UPRT: variants seen among roughly 807,000 people sequenced by gnomAD.
The protein encoded by UPRT is RP11-311P8.3.
A neutral mutation model predicts 22.6 loss-of-function variants in UPRT; 5 were observed. The ratio of observed to expected loss-of-function variants is 0.22; its 90% CI spans 0.12 to 0.47. The LOEUF (loss-of-function observed/expected upper bound fraction) is 0.47, where lower values mean the gene tolerates loss of function less well. Among genes scored for constraint, UPRT ranks in the 20% least tolerant of loss-of-function variants. The pLI is 0.99. For missense variants in UPRT, 181 were observed against 239.9 expected (o/e 0.75, Z 1.62); for synonymous variants, 77 against 87.7 (o/e 0.88, Z 0.68).
chrX:75,167,634 T>C (rs1158325233), intron 3 of UPRT, among the ~76,000 whole-genome samples: 1 of 112,377 alleles, frequency 8.9e-6, no homozygotes, highest in African/African-American at 3.2e-5. Context: ...TTCCAAACAT[T>C]ACTATGCAAT....
At chrX:75,169,077 A>G (rs770993863) in intron 4 of UPRT, among the ~76,000 whole-genome samples, 2 of 111,481 alleles carry the variant, frequency 1.8e-5, no homozygotes, top group African/African-American at 3.3e-5. Flanking sequence ...ATAGTCTCCA[A>G]TCCCATCCAG....
Position 75,206,536 on chromosome X carries a change from G to T in UPRT, c.-447+38657G>T, listed in dbSNP as rs763181498. Among the ~76,000 whole-genome samples the T allele has an allele frequency of 9.9e-5, 11 of 111,413 alleles. No individual in the cohort carries two copies. In the South Asian group the frequency reaches 3.4e-3, roughly 35 times the overall value. On this transcript the variant is annotated intron_variant, in intron 4 of 13. Coordinates refer to the UPRT transcript ENST00000652605. ...TTGTGCACATATGAAAGTACAGAAG[G>T]TTTCTGGGACTTGTGAAAAAATTTT...
chrX:75,189,968 C>G (rs1188150350), intron 4 of UPRT, among the ~76,000 whole-genome samples: 1 of 111,950 alleles, frequency 8.9e-6, no homozygotes, highest in African/African-American at 3.2e-5. Context: ...AAGCATTTAG[C>G]CCATTTACAT....
At chrX:75,168,679 G>A (rs1294253861) in intron 4 of UPRT, among the ~76,000 whole-genome samples, 4 of 110,766 alleles carry the variant, frequency 3.6e-5, no homozygotes, top group African/African-American at 9.9e-5. Context: ...ACAGGCATGC[G>A]CCACCATGCC....
chrX:75,227,242 CTATT>C (rs1318227969), intron 4 of UPRT, among the ~76,000 whole-genome samples: 3 of 111,593 alleles, frequency 2.7e-5, no homozygotes, highest in African/African-American at 9.8e-5. Context: ...ATTTTATCAA[CTATT>C]TAGTTACATG....
intron 4 of UPRT, among the ~76,000 whole-genome samples, chrX:75,197,419 C>A (rs990359925): frequency 9.0e-6 from 1 of 111,360 alleles, no homozygotes; most frequent in Non-Finnish European, 1.9e-5. Flanking sequence ...GAATCATATT[C>A]GTGAGGATTT....
chrX:75,295,436 G>GAA, intron 2 of UPRT, among the ~76,000 whole-genome samples: 1 of 111,777 alleles, frequency 8.9e-6, no homozygotes. Context: ...GATGGTGGCT[G>GAA]GAAGTGAGTA....
At chrX:75,174,567 C>T (rs1602437633) in intron 4 of UPRT, among the ~76,000 whole-genome samples, 1 of 111,509 alleles carries the variant, frequency 9.0e-6, no homozygotes, top group East Asian at 2.9e-4. Flanking sequence ...GAAGCCTTTT[C>T]CTGTAAACCC....
chrX:75,264,848 C>T (rs1226087226), intron 4 of UPRT, among the ~76,000 whole-genome samples: 2 of 111,866 alleles, frequency 1.8e-5, no homozygotes, highest in African/African-American at 3.3e-5. Flanking sequence ...TGAGTGCTTC[C>T]TTCAGGAGCT....
intron 4 of UPRT, among the ~76,000 whole-genome samples, chrX:75,253,498 G>T (rs955985061): frequency 8.9e-6 from 1 of 112,432 alleles, no homozygotes; most frequent in African/African-American, 3.2e-5. Context: ...GGAAGACAGT[G>T]TGGTGATTTC....
At chrX:75,240,479 T>C (rs2082484897) in intron 4 of UPRT, among the ~76,000 whole-genome samples, 1 of 111,906 alleles carries the variant, frequency 8.9e-6, no homozygotes, top group Non-Finnish European at 1.9e-5. Flanking sequence ...ACACATCCCA[T>C]GCTCATGGAT....
At chrX:75,247,858 A>T (rs2082512502) in intron 4 of UPRT, among the ~76,000 whole-genome samples, 2 of 111,170 alleles carry the variant, frequency 1.8e-5, no homozygotes, top group Non-Finnish European at 3.8e-5. Flanking sequence ...AGGGCCGGGT[A>T]CTCCTCTGAG....
chrX:75,261,194 C>G (rs2082566567), intron 4 of UPRT, among the ~76,000 whole-genome samples: 1 of 111,259 alleles, frequency 9.0e-6, no homozygotes, highest in African/African-American at 3.3e-5. Flanking sequence ...ATTAAAAGAA[C>G]TAGAGAAGCA....
chrX:75,194,977 G>A, intron 4 of UPRT, among the ~76,000 whole-genome samples: 1 of 110,798 alleles, frequency 9.0e-6, no homozygotes, highest in East Asian at 2.9e-4. Flanking sequence ...ATGGCGGGGG[G>A]CACGGTGCAC....
At chrX:75,190,139 T>C (rs2082309960) in intron 4 of UPRT, among the ~76,000 whole-genome samples, 1 of 112,240 alleles carries the variant, frequency 8.9e-6, no homozygotes, top group Non-Finnish European at 1.9e-5. Flanking sequence ...CCATGTTTAG[T>C]GCTTCCTTCA....
At chrX:75,244,633 T>C (rs1307281232) in intron 4 of UPRT, among the ~76,000 whole-genome samples, 4 of 111,240 alleles carry the variant, frequency 3.6e-5, no homozygotes, top group Non-Finnish European at 7.5e-5. Flanking sequence ...CCTATAATCA[T>C]CTGATTTTTG....
At chrX:75,185,233 G>A (rs184683843) in intron 4 of UPRT, among the ~76,000 whole-genome samples, 21 of 111,806 alleles carry the variant, frequency 1.9e-4, no homozygotes, top group South Asian at 7.5e-4. Context: ...AGCATGAAGC[G>A]TTGTTGAATT....
intron 4 of UPRT, among the ~76,000 whole-genome samples, chrX:75,220,547 C>T (rs1310718145): frequency 1.8e-5 from 2 of 110,558 alleles, no homozygotes; most frequent in Non-Finnish European, 3.8e-5. Context: ...GTTTTAATTT[C>T]TTGCTTTTTA....
intron 4 of UPRT, among the ~76,000 whole-genome samples, chrX:75,174,941 T>G (rs2082242047): frequency 9.0e-6 from 1 of 111,082 alleles, no homozygotes; most frequent in Non-Finnish European, 1.9e-5. Flanking sequence ...TAACTCTCTC[T>G]TTGACTTTCT....
Sources: gnomAD v4.1 joint callset for allele counts (sites outside exome capture counted in the v4.1 genomes callset) on GRCh38, gnomAD v4.1.1 for gene constraint, MANE v1.5 for transcripts, NCBI Gene and HGNC (gene_info 2026-07-23, HGNC 2026-07-21) for gene names.